The following AP1M1 variants were observed in gnomAD, a reference collection of about 807,000 sequenced individuals.
The protein encoded by AP1M1 is AP-1 complex subunit mu-1.
A neutral mutation model predicts 57.1 loss-of-function variants in AP1M1; 18 were observed. The ratio of observed to expected loss-of-function variants is 0.32; its 90% CI spans 0.22 to 0.47. AP1M1 has a LOEUF of 0.47. Ranked by LOEUF, AP1M1 falls within the 20% of genes least tolerant of loss-of-function variation. AP1M1 has a pLI of 1.00. For synonymous variants in AP1M1, 241 were observed against 237.9 expected (o/e 1.01, Z -0.12); for missense variants, 362 against 593.5 (o/e 0.61, Z 4.05).
chr19:16,228,145 T>C lies in AP1M1; in HGVS notation c.825T>C (p.Pro275=), dbSNP rs1176844215. The C allele has an allele frequency of 6.2e-7, 1 of 1,613,944 alleles. No homozygotes were observed. The highest frequency in any genetic ancestry group is 1.7e-5 in the Admixed American group (1 of 60,032). The part of the protein sequence containing the change: ...MSYRLNTHVK[P]LIWIESVIEK... ...TTTGCCCTCCTTGGCAGGTCAAGCC[T>C]TTGATATGGATCGAGTCGGTGATCG... Residue 275 remains proline (P), a synonymous_variant, in exon 8 of 12, where the codon CCT becomes CCC. Transcript: ENST00000291439. The surrounding 1 kb of genome is among the most constrained non-coding windows in gnomAD (Gnocchi z 5.0).
Position 16,203,398 on chromosome 19 carries a change from C to T in AP1M1, c.43-61C>T. The stretch of plus-strand genomic sequence containing the variant: ...GGGTGGTGCATCTCACCCCCTGCCC[C>T]AAGCCCCCAGATTGTAGAACTGAAA... On this transcript the variant is annotated intron_variant, in intron 1 of 11. Transcript: ENST00000291439. This position sits in a 1 kb window ranked among gnomAD's most constrained non-coding sequence, Gnocchi z 4.6. 6.3e-7 allele frequency: 1 copy of T among 1,593,650 alleles called. No homozygotes were observed. Among genetic ancestry groups the T allele is most frequent in the East Asian group, 2.2e-5 (1 of 44,670 alleles).
At chr19:16,210,928 C>T (rs2091490753) in intron 5 of AP1M1, among the ~76,000 whole-genome samples, 1 of 152,144 alleles carries the variant, frequency 6.6e-6, no homozygotes, top group South Asian at 2.1e-4. Context: ...TCTGTATATC[C>T]TCTTTGGAGA....
intron 5 of AP1M1, 87 bp from the exon 6 acceptor site, chr19:16,226,334 G>T (rs1251701963): frequency 2.1e-6 from 3 of 1,462,430 alleles, no homozygotes; most frequent in African/African-American, 1.4e-5. Context: ...CGTTGAGAGT[G>T]GGGTGGCCAG....
intron 5 of AP1M1, among the ~76,000 whole-genome samples, chr19:16,219,223 TA>T (rs1243642100): frequency 6.6e-6 from 1 of 152,150 alleles, no homozygotes; most frequent in East Asian, 1.9e-4. Flanking sequence ...ATTCCTGGAA[TA>T]AAATCCCATT....
Position 16,238,480 on chromosome 19 carries a change from T to A in AP1M1, c.*4045T>A, listed in dbSNP as rs1294361436. The A allele has an allele frequency of 1.3e-5, 2 of 151,746 alleles. No individual in the cohort carries two copies. Among genetic ancestry groups the A allele is most frequent in the Non-Finnish European group, 2.9e-5 (2 of 67,964 alleles). 9.4% of individuals were successfully genotyped at this position (151,746 alleles called of 1,614,324 possible). ...CTTAAACAACATTGAGCGGGAAAAA[T>A]GTTTACAAAAGAAAATGCAGTAATC... is the stretch of plus-strand genomic sequence containing the variant. On this transcript the variant is annotated 3_prime_UTR_variant, in exon 12 of 12. Transcript: ENST00000291439.
At chr19:16,198,160 T>A in intron 1 of AP1M1, 92 bp downstream of exon 1, 1 of 1,451,118 alleles carries the variant, frequency 6.9e-7, no homozygotes, top group Non-Finnish European at 9.5e-7. Flanking sequence ...AACCGGCTTA[T>A]GAGCCCCATC....
rs1023972308 is a variant in AP1M1, at chr19:16,215,207, G to T, written c.546+6030G>T. On this transcript the variant is annotated intron_variant, in intron 5 of 11. Coordinates refer to ENST00000291439, the MANE Select transcript of AP1M1 (RefSeq NM_032493.4). Reference sequence around the variant, plus strand: ...GGGAGGCTAAGGCGGGGGCGGGGGGGGGGGAGAGGGGGGAGGGGGGAGGGG... The same window carrying T: ...GGGAGGCTAAGGCGGGGGCGGGGGGTGGGGAGAGGGGGGAGGGGGGAGGGG... Among the ~76,000 whole-genome samples, 3 of 44,798 alleles carry T rather than the reference G, an allele frequency of 6.7e-5. 1 individual carries two copies. Among genetic ancestry groups the T allele is most frequent in the Non-Finnish European group, 2.0e-4 (3 of 15,054 alleles). 29.4% of individuals were successfully genotyped at this position (44,798 alleles called of 152,430 possible).
Position 16,244,208 on chromosome 19 carries a change from C to A in AP1M1, c.*9773C>A, listed in dbSNP as rs2091654909. ...ACAGTTGGGTGACATTTTCAACATG[C>A]TAAAAGAAAACCACTAACCCAAATC... On this transcript the variant is annotated 3_prime_UTR_variant, in exon 12 of 12. Transcript: ENST00000291439. The A allele has an allele frequency of 6.6e-6, 1 of 152,138 alleles. No homozygotes were observed. The highest frequency in any genetic ancestry group is 1.5e-5 in the Non-Finnish European group (1 of 68,034). The allele number at this position is 152,138 out of a possible 1,614,324, so 9.4% of individuals were successfully genotyped here.
At chr19:16,210,481 C>A in intron 5 of AP1M1, 1 of 691,184 alleles carries the variant, frequency 1.4e-6, no homozygotes. Context: ...TTGTGATGAC[C>A]CCACATCCTT....
At chr19:16,216,367 C>A (rs796925915) in intron 5 of AP1M1, among the ~76,000 whole-genome samples, 1 of 151,994 alleles carries the variant, frequency 6.6e-6, no homozygotes, top group Non-Finnish European at 1.5e-5. Flanking sequence ...ATGGCGTGAA[C>A]CCAGGAGGCG....
chr19:16,223,759 C>T (rs1473250619), intron 5 of AP1M1, among the ~76,000 whole-genome samples: 1 of 152,260 alleles, frequency 6.6e-6, no homozygotes, highest in Non-Finnish European at 1.5e-5. Context: ...CGTGGCTCTT[C>T]CCTGGTCCAC....
In AP1M1 at chr19:16,207,992, TCCTC is replaced by T. The variant is rs1448820971; in HGVS notation, c.268-16_268-13del. On this transcript the variant is annotated intron_variant, in intron 3 of 11. Coordinates refer to ENST00000291439, the MANE Select transcript of AP1M1 (RefSeq NM_032493.4). The surrounding 1 kb of genome is among the most constrained non-coding windows in gnomAD (Gnocchi z 4.2). ...GTCCGCTCAATGATCTGCCTCCCAT[TCCTC>T]CCTCCCTCCCCAACCGCCACAGGTG... 3 of 1,598,212 alleles carry T rather than the reference TCCTC, an allele frequency of 1.9e-6. No individual in the cohort carries two copies. Among genetic ancestry groups the T allele is most frequent in the Admixed American group, 1.7e-5 (1 of 57,362 alleles).
intron 2 of AP1M1, among the ~76,000 whole-genome samples, chr19:16,205,007 AT>A (rs1193784380): frequency 1.3e-5 from 2 of 151,300 alleles, no homozygotes; most frequent in East Asian, 3.9e-4. Flanking sequence ...ATTTTTTTGT[AT>A]TTTTTTAGTA....
chr19:16,226,008 T>C (rs1213273489), intron 5 of AP1M1, among the ~76,000 whole-genome samples: 1 of 152,062 alleles, frequency 6.6e-6, no homozygotes, highest in Non-Finnish European at 1.5e-5. Context: ...TGACTCAGCG[T>C]GGGGACCAGC....
At position 16,227,116 on chromosome 19, in the gene AP1M1, C is replaced by T. The variant is rs1394249117; in HGVS notation, c.674-432C>T. 2.6e-5 allele frequency among the ~76,000 whole-genome samples: 4 copies of T among 152,166 alleles called. No homozygotes were observed. Among genetic ancestry groups the T allele is most frequent in the African/African-American group, 7.2e-5 (3 of 41,452 alleles). Reference sequence around the variant, plus strand: ...CGGGCATCAGTCTATCAGGGCAGCTCCCCGCCTGGGGCTGGGCAGGGCCCC... The same window carrying T: ...CGGGCATCAGTCTATCAGGGCAGCTTCCCGCCTGGGGCTGGGCAGGGCCCC... On this transcript the variant is annotated intron_variant, in intron 6 of 11. Coordinates refer to ENST00000291439, the MANE Select transcript of AP1M1 (RefSeq NM_032493.4). The surrounding 1 kb of genome is among the most constrained non-coding windows in gnomAD (Gnocchi z 6.2).
At chr19:16,201,641 G>A (rs529493551) in intron 1 of AP1M1, among the ~76,000 whole-genome samples, 104 of 152,126 alleles carry the variant, frequency 6.8e-4, no homozygotes, top group African/African-American at 2.4e-3. Context: ...CAGATGATCC[G>A]CCTGCCTCAG....
At chr19:16,229,025 C>A in intron 9 of AP1M1, 97 bp downstream of exon 9, 1 of 1,393,282 alleles carries the variant, frequency 7.2e-7, no homozygotes, top group South Asian at 1.3e-5. Context: ...GATGGGGTGA[C>A]AGTGGCCACT....
chr19:16,219,598 A>C (rs1199015797), intron 5 of AP1M1, among the ~76,000 whole-genome samples: 1 of 152,030 alleles, frequency 6.6e-6, no homozygotes, highest in African/African-American at 2.4e-5. Context: ...GGGTTTCACC[A>C]TGTTGGCCAG....
intron 5 of AP1M1, among the ~76,000 whole-genome samples, chr19:16,217,358 C>G (rs2091523281): frequency 6.6e-6 from 1 of 152,094 alleles, no homozygotes; most frequent in South Asian, 2.1e-4. Flanking sequence ...AGGGTGCACA[C>G]ACAGGCATGC....
Sources: gnomAD v4.1 joint callset for allele counts (sites outside exome capture counted in the v4.1 genomes callset) on GRCh38, gnomAD v4.1.1 for gene constraint, Gnocchi (gnomAD v3.1) non-coding constraint, MANE v1.5 for transcripts, NCBI Gene and HGNC (gene_info 2026-07-23, HGNC 2026-07-21) for gene names.